The following ROBO1 variants were observed in gnomAD, a reference collection of about 807,000 sequenced individuals.
ROBO1 encodes the protein roundabout homolog 1.
A neutral mutation model predicts 195.9 loss-of-function variants in ROBO1; 149 were observed. The ratio of observed to expected loss-of-function variants is 0.76; its 90% CI spans 0.67 to 0.87. The LOEUF is 0.87. Among genes scored for constraint, ROBO1 ranks in the 40% least tolerant of loss-of-function variants. The probability of loss-of-function intolerance (pLI) is 0.00; values close to 1 mark genes in which losing one functional copy is unlikely to be tolerated. For synonymous variants in ROBO1, 816 were observed against 733.2 expected (o/e 1.11, Z -1.82); for missense variants, 1,933 against 2,068.3 (o/e 0.93, Z 1.27).
intron 2 of ROBO1, among the ~76,000 whole-genome samples, chr3:79,447,443 T>C (rs2039299367): frequency 6.6e-6 from 1 of 152,222 alleles, no homozygotes; most frequent in Non-Finnish European, 1.5e-5. Flanking sequence ...ATATTTAGCT[T>C]CTACCTGAAT....
chr3:79,060,057 G>T (rs1422200599), intron 3 of ROBO1, among the ~76,000 whole-genome samples: 2 of 151,924 alleles, frequency 1.3e-5, no homozygotes, highest in Non-Finnish European at 2.9e-5. Context: ...CCAGGGTGAG[G>T]TCTCTAAAAT....
At chr3:78,770,705 C>T (rs1373183329) in intron 4 of ROBO1, among the ~76,000 whole-genome samples, 2 of 152,112 alleles carry the variant, frequency 1.3e-5, no homozygotes, top group African/African-American at 2.4e-5. Context: ...TTTTGCAAAG[C>T]CAATATCCAG....
At chr3:79,572,201 C>T (rs1943301094) in intron 2 of ROBO1, among the ~76,000 whole-genome samples, 1 of 151,950 alleles carries the variant, frequency 6.6e-6, no homozygotes, top group African/African-American at 2.4e-5. Context: ...AAGATCCATA[C>T]ATTAAATATT....
At chr3:79,418,246 C>T (rs544254017) in intron 2 of ROBO1, among the ~76,000 whole-genome samples, 4 of 152,242 alleles carry the variant, frequency 2.6e-5, no homozygotes, top group Admixed American at 2.6e-4. Context: ...ATTTCCCACT[C>T]CTTAGAAGTC....
chr3:79,110,095 C>T (rs928335134), intron 3 of ROBO1, among the ~76,000 whole-genome samples: 9 of 151,986 alleles, frequency 5.9e-5, no homozygotes, highest in African/African-American at 1.9e-4. Context: ...CTTTCTCACT[C>T]GGTCCCTTCA....
chr3:79,721,268 C>G (rs1702688355), intron 1 of ROBO1, among the ~76,000 whole-genome samples: 1 of 152,128 alleles, frequency 6.6e-6, no homozygotes, highest in Admixed American at 6.5e-5. Context: ...TTACTCTCCT[C>G]TATTGCATAA....
chr3:79,395,340 A>AAAAAAAAAGAAAGAAAGAAAGAAAGAAAG (rs71631648), intron 2 of ROBO1, among the ~76,000 whole-genome samples: 1 of 119,058 alleles, frequency 8.4e-6, no homozygotes, highest in African/African-American at 3.1e-5. Flanking sequence ...AAAAAAAAAA[A>AAAAAAAAAGAAAGAAAGAAAGAAAGAAAG]AAAGAAAGAA....
intron 1 of ROBO1, among the ~76,000 whole-genome samples, chr3:79,740,971 C>T (rs560447338): frequency 1.1e-4 from 17 of 152,294 alleles, no homozygotes; most frequent in Non-Finnish European, 1.9e-4. Flanking sequence ...TTCTCTACAT[C>T]TATATCCTTT....
intron 1 of ROBO1, among the ~76,000 whole-genome samples, chr3:79,681,372 C>T (rs1946942495): frequency 6.6e-6 from 1 of 151,662 alleles, no homozygotes; most frequent in South Asian, 2.1e-4. Flanking sequence ...TTGGCCCTAA[C>T]TAGAAAATAT....
chr3:79,125,303 C>G (rs13322167), intron 3 of ROBO1, among the ~76,000 whole-genome samples, 153 bp downstream of exon 3: 2 of 152,076 alleles, frequency 1.3e-5, no homozygotes, highest in Non-Finnish European at 2.9e-5. Flanking sequence ...GCAATATGAT[C>G]TGATATGAAC....
intron 2 of ROBO1, among the ~76,000 whole-genome samples, chr3:79,332,682 T>C (rs2034495698): frequency 6.6e-6 from 1 of 152,194 alleles, no homozygotes; most frequent in South Asian, 2.1e-4. Flanking sequence ...AAATCTACAC[T>C]GTCAGTGTTT....
chr3:79,450,470 C>G (rs1379544420), intron 2 of ROBO1, among the ~76,000 whole-genome samples: 1 of 151,580 alleles, frequency 6.6e-6, no homozygotes, highest in Non-Finnish European at 1.5e-5. Flanking sequence ...AAATAAATAC[C>G]CAGAGACTTT....
intron 2 of ROBO1, among the ~76,000 whole-genome samples, chr3:79,253,693 A>G (rs1417232142): frequency 6.6e-6 from 1 of 152,212 alleles, no homozygotes; most frequent in Non-Finnish European, 1.5e-5. Flanking sequence ...CTGGATCTTC[A>G]TTAAGTACAA....
intron 2 of ROBO1, among the ~76,000 whole-genome samples, chr3:79,290,971 T>C (rs1440117380): frequency 1.3e-5 from 2 of 152,190 alleles, no homozygotes; most frequent in Non-Finnish European, 2.9e-5. Flanking sequence ...GGGATTTCAA[T>C]ATCCATGTGA....
intron 2 of ROBO1, among the ~76,000 whole-genome samples, chr3:79,339,691 A>G (rs1576995758): frequency 2.0e-5 from 3 of 152,256 alleles, no homozygotes; most frequent in South Asian, 4.1e-4. Flanking sequence ...TGTATTTTCC[A>G]TCTTATCCCA....
At chr3:79,151,623 A>G (rs2080773058) in intron 2 of ROBO1, among the ~76,000 whole-genome samples, 1 of 151,610 alleles carries the variant, frequency 6.6e-6, no homozygotes, top group Admixed American at 6.6e-5. Context: ...TATAACTTTA[A>G]ATGACTTTCT....
At chr3:79,716,563 G>T (rs1330664475) in intron 1 of ROBO1, among the ~76,000 whole-genome samples, 1 of 151,742 alleles carries the variant, frequency 6.6e-6, no homozygotes, top group African/African-American at 2.4e-5. Context: ...GGTCATAATG[G>T]GAGCAGGTTG....
chr3:79,757,146 G>T (rs763965014), intron 1 of ROBO1, among the ~76,000 whole-genome samples: 4 of 152,086 alleles, frequency 2.6e-5, no homozygotes, highest in African/African-American at 4.8e-5. Context: ...CTTTGTTTGA[G>T]TCTCTGCTTT....
intron 4 of ROBO1, among the ~76,000 whole-genome samples, chr3:78,919,961 G>A (rs1191181352): frequency 1.3e-5 from 2 of 152,180 alleles, no homozygotes; most frequent in Non-Finnish European, 2.9e-5. Context: ...CTGTGGCAGG[G>A]TGAAAATGTA....
Sources: allele counts gnomAD v4.1 joint callset (sites outside exome capture counted in the v4.1 genomes callset), GRCh38; gene constraint gnomAD v4.1.1; transcripts MANE v1.5; gene names NCBI Gene and HGNC (gene_info 2026-07-23, HGNC 2026-07-21).